Variants in SLC7A5 observed in about 807,000 individuals in gnomAD.
SLC7A5 encodes the protein solute carrier family 7 member 5, also known as large neutral amino acids transporter small subunit 1.
Under a neutral mutation model 50.2 loss-of-function variants are expected in SLC7A5, and 23 were observed. That is an observed-to-expected ratio of 0.46 (90% CI 0.33 to 0.65). SLC7A5 has a LOEUF of 0.65. SLC7A5 is among the 30% of genes least tolerant of loss of function. SLC7A5 has a pLI of 0.02. For synonymous variants in SLC7A5, 393 were observed against 330.6 expected (o/e 1.19, Z -2.05); for missense variants, 578 against 684.4 (o/e 0.84, Z 1.73).
chr16:87,856,517 C>G (rs921524431), intron 1 of SLC7A5, among the ~76,000 whole-genome samples: 2 of 152,230 alleles, frequency 1.3e-5, no homozygotes, highest in Non-Finnish European at 2.9e-5. Flanking sequence ...AGGTACCAGC[C>G]CAGCCCAGTC....
chr16:87,836,808 G>C (rs1333201143), intron 7 of SLC7A5, 161 bp from the exon 8 acceptor site: 2 of 600,166 alleles, frequency 3.3e-6, no homozygotes, highest in Non-Finnish European at 6.1e-6. Context: ...GCAAGGTCTT[G>C]AAGGAGGAAA....
chr16:87,866,550 C>T (rs1266300621), intron 1 of SLC7A5, among the ~76,000 whole-genome samples: 2 of 152,132 alleles, frequency 1.3e-5, no homozygotes, highest in Non-Finnish European at 2.9e-5. Context: ...ACTGCAACCT[C>T]CACCTCCTGG....
chr16:87,864,214 C>T (rs1449157796), intron 1 of SLC7A5, among the ~76,000 whole-genome samples: 1 of 151,430 alleles, frequency 6.6e-6, no homozygotes, highest in Non-Finnish European at 1.5e-5. Context: ...GTCGCTTGAA[C>T]CCAGGAGGCA....
chr16:87,859,644 TCAAA>T (rs1334438487), intron 1 of SLC7A5, among the ~76,000 whole-genome samples: 1 of 151,930 alleles, frequency 6.6e-6, no homozygotes, highest in African/African-American at 2.4e-5. Flanking sequence ...GCACTAACAC[TCAAA>T]CACAGATCTT....
At position 87,833,678 on chromosome 16, in the gene SLC7A5, G is replaced by T. The variant is rs2054960449; in HGVS notation, c.1469-653C>A. 6.6e-6 allele frequency among the ~76,000 whole-genome samples: 1 copy of T among 152,058 alleles called. No homozygotes were observed. The highest frequency in any genetic ancestry group is 6.5e-5 in the Admixed American group (1 of 15,282). Reference sequence around the variant, plus strand: ...CCTGCCTGTGTTGCTGCCATCCCGGGAATTCTCCAAGCCACCCAGTGACAT... The same window carrying T: ...CCTGCCTGTGTTGCTGCCATCCCGGTAATTCTCCAAGCCACCCAGTGACAT... On this transcript the variant is annotated intron_variant, in intron 9 of 9. Transcript: ENST00000261622. This position sits in a 1 kb window ranked among gnomAD's most constrained non-coding sequence, Gnocchi z 6.0.
chr16:87,840,640 C>CG (rs1158575534), intron 3 of SLC7A5, among the ~76,000 whole-genome samples, 167 bp from the exon 4 acceptor site: 4 of 152,158 alleles, frequency 2.6e-5, no homozygotes, highest in Admixed American at 6.5e-5. Flanking sequence ...CTGCGTGTTC[C>CG]GGGGGGTCCC....
intron 1 of SLC7A5, among the ~76,000 whole-genome samples, chr16:87,864,104 C>A (rs2055432679): frequency 6.7e-6 from 1 of 148,524 alleles, no homozygotes; most frequent in Non-Finnish European, 1.5e-5. Flanking sequence ...CCAGCCTGGC[C>A]AACGTGGAGA....
In SLC7A5 at chr16:87,868,914, G is replaced by A; in HGVS notation, c.509C>T (p.Ala170Val). Residue 170 changes from alanine (A) to valine (V), a missense_variant, in exon 1 of 10, where the codon GCA becomes GTA. Around this residue, in one of 2 missense-constraint regions of SLC7A5, gnomAD observed 465 missense variants for 594.6 expected, o/e 0.78. Coordinates refer to ENST00000261622, the MANE Select transcript of SLC7A5 (RefSeq NM_003486.7). ...GCAGAGGCAGGCCACGAGCTTGGCTGCCTCCTCGGGCACCGGGCAGGTGGG... is the reference window on the plus strand; with the variant it reads ...GCAGAGGCAGGCCACGAGCTTGGCTACCTCCTCGGGCACCGGGCAGGTGGG... ...LFPTCPVPEE[A>V]AKLVACLCVL... 1.2e-6 allele frequency: 2 copies of A among 1,609,540 alleles called. No individual in the cohort carries two copies. The highest frequency in any genetic ancestry group is 1.7e-6 in the Non-Finnish European group (2 of 1,179,026).
intron 2 of SLC7A5, among the ~76,000 whole-genome samples, chr16:87,843,766 G>A (rs557541459): frequency 6.6e-6 from 1 of 152,258 alleles, no homozygotes; most frequent in South Asian, 2.1e-4. Context: ...GCAATGCACG[G>A]GACACCCCCA....
Position 87,853,265 on chromosome 16 carries a change from C to T in SLC7A5, c.539-1416G>A, listed in dbSNP as rs1052923782. Among the ~76,000 whole-genome samples the T allele has an allele frequency of 7.9e-5, 12 of 152,154 alleles. No homozygotes were observed. The highest frequency in any genetic ancestry group is 4.1e-4 in the South Asian group (2 of 4,834). On this transcript the variant is annotated intron_variant, in intron 1 of 9. Coordinates refer to ENST00000261622, the MANE Select transcript of SLC7A5 (RefSeq NM_003486.7). This position sits in a 1 kb window ranked among gnomAD's most constrained non-coding sequence, Gnocchi z 4.4. ...ATCCATGCTAATTAACTAATGACAC[C>T]GGAAACGTCCTGAGGTGCGGGACGG...
intron 7 of SLC7A5, among the ~76,000 whole-genome samples, chr16:87,837,046 C>T (rs948515834): frequency 2.0e-4 from 30 of 152,236 alleles, no homozygotes; most frequent in Non-Finnish European, 3.7e-4. Flanking sequence ...TTTCTGTAAC[C>T]CCCGGCACAG....
rs548791322 is a variant in SLC7A5, at chr16:87,840,864, C to T, written c.770+186G>A. ...AGGGCTGCAGCGGGCGGCCTCCCCA[C>T]GCTTCGTCGGGATGTGGGTGACTCT... On this transcript the variant is annotated intron_variant, in intron 3 of 9. Transcript: ENST00000261622. 4.6e-5 allele frequency among the ~76,000 whole-genome samples: 7 copies of T among 151,816 alleles called. 1 individual carries two copies. The East Asian group carries it at 9.7e-4, about 21-fold the overall frequency.
chr16:87,842,989 T>C (rs1272151841), intron 2 of SLC7A5, among the ~76,000 whole-genome samples: 1 of 152,104 alleles, frequency 6.6e-6, no homozygotes, highest in Non-Finnish European at 1.5e-5. Flanking sequence ...GGGGGGAGCA[T>C]CTGTCCTACA....
intron 1 of SLC7A5, among the ~76,000 whole-genome samples, chr16:87,858,666 G>A (rs1239215337): frequency 2.0e-5 from 3 of 152,228 alleles, no homozygotes; most frequent in East Asian, 1.9e-4. Context: ...TCACCCTCGT[G>A]CTCTGGCCAC....
At chr16:87,866,308 C>G (rs1260688766) in intron 1 of SLC7A5, among the ~76,000 whole-genome samples, 1 of 152,142 alleles carries the variant, frequency 6.6e-6, no homozygotes, top group African/African-American at 2.4e-5. Context: ...CGGAAGCATA[C>G]ACTGTCAGCC....
chr16:87,859,339 C>T (rs2055359082), intron 1 of SLC7A5, among the ~76,000 whole-genome samples: 1 of 152,194 alleles, frequency 6.6e-6, no homozygotes, highest in South Asian at 2.1e-4. Flanking sequence ...GCTCTGAAGC[C>T]ACACATGAGA....
chr16:87,840,947 A>G, intron 3 of SLC7A5, 103 bp downstream of exon 3: 1 of 727,912 alleles, frequency 1.4e-6, no homozygotes, highest in Non-Finnish European at 2.5e-6. Context: ...GGGGCAGTCC[A>G]CTCCCTTTAA....
At chr16:87,844,482 C>T (rs930385138) in intron 2 of SLC7A5, among the ~76,000 whole-genome samples, 5 of 152,340 alleles carry the variant, frequency 3.3e-5, no homozygotes, top group Admixed American at 6.5e-5. Flanking sequence ...TGGCTAAAGC[C>T]ATCCTGCTGA....
chr16:87,843,828 G>A (rs906292745), intron 2 of SLC7A5, among the ~76,000 whole-genome samples: 1 of 152,190 alleles, frequency 6.6e-6, no homozygotes, highest in African/African-American at 2.4e-5. Flanking sequence ...CCCTGTGCAA[G>A]AAGACCATGA....
Sources: allele counts gnomAD v4.1 joint callset (sites outside exome capture counted in the v4.1 genomes callset), GRCh38; gene constraint gnomAD v4.1.1; regional missense constraint gnomAD v4.1.1; non-coding constraint Gnocchi (gnomAD v3.1); transcripts MANE v1.5; gene names NCBI Gene and HGNC (gene_info 2026-07-23, HGNC 2026-07-21).